Variants in FREM2 observed in about 807,000 individuals in gnomAD.
FREM2 encodes FRAS1 related extracellular matrix 2.
Under a neutral mutation model 219.9 loss-of-function variants are expected in FREM2, and 119 were observed. The observed-to-expected ratio is 0.54, with a 90% CI of 0.47 to 0.63. The LOEUF (loss-of-function observed/expected upper bound fraction) is 0.63, where lower values mean the gene tolerates loss of function less well. Among genes scored for constraint, FREM2 ranks in the 30% least tolerant of loss-of-function variants. The pLI, the probability that FREM2 is intolerant of heterozygous loss-of-function variation, is 0.00. For missense variants in FREM2, 4,030 were observed against 3,993.6 expected, an observed-to-expected ratio of 1.01 and a Z score of -0.25; for synonymous variants, 1,562 against 1,522.8, an observed-to-expected ratio of 1.03 and a Z score of -0.60.
chr13:38,822,814 G>A (rs1423035342), intron 6 of FREM2, among the ~76,000 whole-genome samples: 1 of 152,076 alleles, frequency 6.6e-6, no homozygotes, highest in Non-Finnish European at 1.5e-5. Context: ...AGCTCCCTGA[G>A]GAAAATTTTA....
At chr13:38,870,468 T>C (rs1878119748) in intron 16 of FREM2, among the ~76,000 whole-genome samples, 1 of 152,228 alleles carries the variant, frequency 6.6e-6, no homozygotes, top group Non-Finnish European at 1.5e-5. Flanking sequence ...TTTATTTCAG[T>C]ATAAACAAAT....
intron 1 of FREM2, among the ~76,000 whole-genome samples, chr13:38,695,919 A>G (rs1191838083): frequency 6.6e-6 from 1 of 152,194 alleles, no homozygotes; most frequent in African/African-American, 2.4e-5. Context: ...AGATAGGAAA[A>G]AAAAATCCCA....
chr13:38,697,939 C>T, intron 2 of FREM2, 152 bp downstream of exon 2: 1 of 694,534 alleles, frequency 1.4e-6, no homozygotes, highest in East Asian at 2.7e-5. Flanking sequence ...TTTACAATCT[C>T]ACTATGACAC....
At chr13:38,851,169 A>T in intron 10 of FREM2, 61 bp downstream of exon 10, 1 of 1,567,800 alleles carries the variant, frequency 6.4e-7, no homozygotes, top group Non-Finnish European at 8.7e-7. Flanking sequence ...AGCCAAGTCA[A>T]GGTTTTAAGT....
Position 38,876,126 on chromosome 13 carries a change from T to A in FREM2, c.8386T>A (p.Trp2796Arg). The change falls in exon 19 of 24, where the codon TGG becomes AGG. Residue 2796 changes from tryptophan (W) to arginine (R), a missense_variant. By Grantham distance (101) the Trp-to-Arg change is moderately radical (BLOSUM62 -3). This residue lies in a region of FREM2 where 928 missense variants were observed against 1,042.9 expected (regional missense o/e 0.89). Coordinates refer to ENST00000280481, the MANE Select transcript of FREM2 (RefSeq NM_207361.6). ...EPTYNQPVQQ[W>R]SFVSDFAVRD... Reference sequence around the variant, plus strand: ...AACCTATAACCAGCCAGTACAGCAGTGGAGCTTTGTCTCTGACTTTGCCGT... The same window carrying A: ...AACCTATAACCAGCCAGTACAGCAGAGGAGCTTTGTCTCTGACTTTGCCGT... The A allele has an allele frequency of 6.2e-7, 1 of 1,614,166 alleles. No individual in the cohort carries two copies. Among genetic ancestry groups the A allele is most frequent in the Non-Finnish European group, 8.5e-7 (1 of 1,180,012 alleles).
At chr13:38,849,960 T>C in intron 8 of FREM2, 78 bp from the exon 9 acceptor site, 1 of 1,157,080 alleles carries the variant, frequency 8.6e-7, no homozygotes, top group South Asian at 1.3e-5. Flanking sequence ...TCCATTATTC[T>C]TTCCACTAAA....
rs759820367 is a variant in FREM2 at position 38,850,946 on chromosome 13, G to A, written c.6580G>A (p.Glu2194Lys). Residue 2194 changes from glutamate (E) to lysine (K), a missense_variant and splice_region_variant, in exon 10 of 24, where the codon GAG becomes AAG. This residue lies in a region of FREM2 where 3,102 missense variants were observed against 2,950.7 expected (regional missense o/e 1.05). Transcript: ENST00000280481. ...ACCTGCTGACATTATTGTTCCAGGT[G>A]AGACAGAAAAGCCCTGCATTCTTGA... ...DTSIITFLPGETEKPCILELM... is the reference protein window; with the variant it reads ...DTSIITFLPGKTEKPCILELM... 13 of 1,611,530 alleles carry A rather than the reference G, an allele frequency of 8.1e-6. No homozygotes were observed. Among genetic ancestry groups the A allele is most frequent in the Non-Finnish European group, 1.1e-5 (13 of 1,179,876 alleles).
chr13:38,798,745 T>C (rs541455354), intron 6 of FREM2, among the ~76,000 whole-genome samples: 1 of 152,156 alleles, frequency 6.6e-6, no homozygotes, highest in Non-Finnish European at 1.5e-5. Flanking sequence ...TTTTCCAGTT[T>C]GTTTGTTAGT....
intron 2 of FREM2, among the ~76,000 whole-genome samples, chr13:38,710,710 T>A (rs975305425): frequency 1.4e-4 from 22 of 152,208 alleles, no homozygotes; most frequent in African/African-American, 5.3e-4. Context: ...GAGTCATAAA[T>A]AAATGTAAAG....
chr13:38,858,076 T>G (rs751980412), intron 13 of FREM2, 43 bp downstream of exon 13: 7 of 1,483,076 alleles, frequency 4.7e-6, no homozygotes, highest in Non-Finnish European at 6.6e-6. Flanking sequence ...TGTAAGATAA[T>G]TATTTCAAAT....
At chr13:38,739,020 A>C (rs551389458) in intron 2 of FREM2, among the ~76,000 whole-genome samples, 2 of 152,282 alleles carry the variant, frequency 1.3e-5, no homozygotes, top group East Asian at 3.9e-4. Flanking sequence ...AACAGTATCT[A>C]TCTCAGAATA....
Position 38,697,745 on chromosome 13 carries a change from A to G in FREM2, c.5221A>G (p.Asn1741Asp). Residue 1741 changes from asparagine to aspartate, a missense_variant, in exon 2 of 24, where the codon AAT becomes GAT. Physicochemically the swap from Asn to Asp is conservative, Grantham distance 23. This residue lies in a region of FREM2 where 3,102 missense variants were observed against 2,950.7 expected (regional missense o/e 1.05). Transcript: ENST00000280481. ...ATGCTATGTCTTAAGAGAAGGGGCT[A>G]ATGCCACAAGTGATATGTTCTATTT... ...KICYVLREGA[N>D]ATSDMFYFAV... The G allele has an allele frequency of 1.2e-6, 2 of 1,610,608 alleles. No homozygotes were observed. The highest frequency in any genetic ancestry group is 1.7e-6 in the Non-Finnish European group (2 of 1,176,854).
Position 38,697,721 on chromosome 13 carries a change from T to C in FREM2, c.5197T>C (p.Cys1733Arg), listed in dbSNP as rs761289910. The C allele has an allele frequency of 4.4e-6, 7 of 1,604,960 alleles. No individual in the cohort carries two copies. Among genetic ancestry groups the C allele is most frequent in the Non-Finnish European group, 6.0e-6 (7 of 1,171,722 alleles). ...TQADIDDMKI[C>R]YVLREGANAT... ...AGCTGACATTGATGACATGAAAATA[T>C]GCTATGTCTTAAGAGAAGGGGCTAA... is the stretch of plus-strand genomic sequence containing the variant. The change falls in exon 2 of 24, where the codon TGC becomes CGC. Residue 1733 changes from cysteine to arginine, a missense_variant. Coordinates refer to ENST00000280481, the MANE Select transcript of FREM2 (RefSeq NM_207361.6).
Position 38,880,343 on chromosome 13 carries a change from T to C in FREM2, c.9066T>C (p.Asn3022=). The change falls in exon 24 of 24, where the codon AAT becomes AAC. Residue 3022 remains asparagine (N), a synonymous_variant. Coordinates refer to ENST00000280481, the MANE Select transcript of FREM2 (RefSeq NM_207361.6). The part of the protein sequence containing the change: ...HTIYTVRSKD[N]ANRGIGKRSV... The stretch of plus-strand genomic sequence containing the variant: ...TCTATACAGTGAGATCGAAAGACAA[T>C]GCCAATCGAGGTATTGGCAAAAGAA... 1 of 1,614,026 alleles carries C rather than the reference T, an allele frequency of 6.2e-7. No individual in the cohort carries two copies. The highest frequency in any genetic ancestry group is 8.5e-7 in the Non-Finnish European group (1 of 1,179,998).
rs1869492331 is a variant in FREM2, at chr13:38,687,250, T to A, written c.-95T>A. The A allele has an allele frequency of 8.6e-6, 13 of 1,514,482 alleles. No homozygotes were observed. In the South Asian group the frequency reaches 1.4e-4, roughly 17 times the overall value. 93.8% of individuals were successfully genotyped at this position (1,514,482 alleles called of 1,614,324 possible). The stretch of plus-strand genomic sequence containing the variant: ...AGGACCCCGCGGGCAACGCGCGGAG[T>A]TCCTGGCACTTCCCGGCGGTGTCTC... On this transcript the variant is annotated 5_prime_UTR_variant, in exon 1 of 24. Coordinates refer to ENST00000280481, the MANE Select transcript of FREM2 (RefSeq NM_207361.6).
At chr13:38,759,565 G>T (rs551172788) in intron 2 of FREM2, among the ~76,000 whole-genome samples, 22 of 152,290 alleles carry the variant, frequency 1.4e-4, no homozygotes, top group Admixed American at 2.6e-4. Flanking sequence ...TTGGTGTCAG[G>T]ATTTGAAGAC....
intron 6 of FREM2, among the ~76,000 whole-genome samples, chr13:38,799,098 C>T (rs906299572): frequency 2.0e-5 from 3 of 151,866 alleles, no homozygotes; most frequent in East Asian, 1.9e-4. Flanking sequence ...TCTACATTTT[C>T]GATGTAGGCA....
intron 6 of FREM2, among the ~76,000 whole-genome samples, chr13:38,794,697 A>G (rs1293015290): frequency 2.0e-5 from 3 of 151,932 alleles, no homozygotes; most frequent in Non-Finnish European, 4.4e-5. Flanking sequence ...TTTATCTGTC[A>G]TGCATATTGT....
intron 6 of FREM2, among the ~76,000 whole-genome samples, chr13:38,797,252 C>A (rs1041603986): frequency 6.6e-6 from 1 of 152,010 alleles, no homozygotes; most frequent in Non-Finnish European, 1.5e-5. Context: ...TTGTCCGCAT[C>A]CTCACCTGCT....
Sources: allele counts gnomAD v4.1 joint callset (sites outside exome capture counted in the v4.1 genomes callset), GRCh38; gene constraint gnomAD v4.1.1; regional missense constraint gnomAD v4.1.1; transcripts MANE v1.5; gene names NCBI Gene and HGNC (gene_info 2026-07-23, HGNC 2026-07-21).